The following TNR variants were observed in gnomAD, a reference collection of about 807,000 sequenced individuals.
TNR encodes the protein tenascin-R.
In TNR, 45 loss-of-function variants were observed where a neutral mutation model predicts 150.4. That is an observed-to-expected ratio of 0.30 (90% confidence interval 0.24 to 0.38). TNR has a LOEUF of 0.38. Ranked by LOEUF, TNR falls within the 10% of genes least tolerant of loss-of-function variation. The pLI, the probability that TNR is intolerant of heterozygous loss-of-function variation, is 1.00. For missense variants in TNR, 1,544 were observed against 1,759.1 expected, an observed-to-expected ratio of 0.88 and a Z score of 2.19; for synonymous variants, 687 against 678.4, an observed-to-expected ratio of 1.01 and a Z score of -0.20.
Position 175,522,879 on chromosome 1 carries a change from G to A in TNR, c.-64+5390C>T, listed in dbSNP as rs1446104670. Among the ~76,000 whole-genome samples the A allele has an allele frequency of 3.3e-5, 5 of 152,250 alleles. No individual in the cohort carries two copies. The South Asian group carries it at 1.0e-3, about 32-fold the overall frequency. On this transcript the variant is annotated intron_variant, in intron 2 of 22. Coordinates refer to ENST00000367674, the MANE Select transcript of TNR (RefSeq NM_003285.3). ...CCAGACAATTTAAATTTGTCTTTAT[G>A]GCATACCAATGGATAATTTTATAAA... is the stretch of plus-strand genomic sequence containing the variant.
rs975444687 is a variant in TNR at position 175,632,508 on chromosome 1, A to C, written c.-164-104139T>G. ...GTAGACAAGGCTAAACAACAAAACTATCTGAGATTTGAAAATGCTGGTAAC... is the reference window on the plus strand; with the variant it reads ...GTAGACAAGGCTAAACAACAAAACTCTCTGAGATTTGAAAATGCTGGTAAC... On this transcript the variant is annotated intron_variant, in intron 1 of 22. Transcript: ENST00000367674. Among the ~76,000 whole-genome samples, 12 of 152,348 alleles carry C rather than the reference A, an allele frequency of 7.9e-5. No individual in the cohort carries two copies. In the East Asian group the frequency reaches 2.1e-3, roughly 27 times the overall value.
chr1:175,418,887 T>A (rs536702520), intron 2 of TNR, among the ~76,000 whole-genome samples: 1 of 152,242 alleles, frequency 6.6e-6, no homozygotes, highest in South Asian at 2.1e-4. Context: ...GAAATTTGCT[T>A]TGTATCTGTG....
chr1:175,431,911 ATCTCTC>A (rs545138749), intron 2 of TNR, among the ~76,000 whole-genome samples: 1 of 136,374 alleles, frequency 7.3e-6, no homozygotes, highest in Non-Finnish European at 1.5e-5. Flanking sequence ...GGACCATAAT[ATCTCTC>A]TCTCTCTCTC....
chr1:175,692,678 C>A (rs1180380285), intron 1 of TNR, among the ~76,000 whole-genome samples: 1 of 152,088 alleles, frequency 6.6e-6, no homozygotes, highest in Non-Finnish European at 1.5e-5. Context: ...AATGGGTCCA[C>A]TAACAGGGGA....
chr1:175,365,787 C>T, intron 11 of TNR, 88 bp downstream of exon 11: 1 of 1,524,804 alleles, frequency 6.6e-7, no homozygotes, highest in Non-Finnish European at 8.8e-7. Context: ...GGAAATGGAA[C>T]ATTGGAAGAG....
intron 7 of TNR, among the ~76,000 whole-genome samples, chr1:175,389,566 A>G (rs1653080363): frequency 6.6e-6 from 1 of 152,224 alleles, no homozygotes; most frequent in African/African-American, 2.4e-5. Context: ...ATGGCTGTCC[A>G]TTATTCCTCA....
intron 1 of TNR, among the ~76,000 whole-genome samples, chr1:175,731,525 C>G (rs1010819561): frequency 1.3e-5 from 2 of 152,062 alleles, no homozygotes; most frequent in African/African-American, 4.8e-5. Flanking sequence ...TGCCCGGAGT[C>G]CTATATATGT....
chr1:175,725,813 TTCAGGAGC>T (rs1667461483), intron 1 of TNR, among the ~76,000 whole-genome samples: 1 of 152,182 alleles, frequency 6.6e-6, no homozygotes, highest in African/African-American at 2.4e-5. Context: ...CAATGAATGT[TTCAGGAGC>T]TCAGAGGCCT....
intron 2 of TNR, among the ~76,000 whole-genome samples, chr1:175,515,684 G>A (rs1659376584): frequency 6.6e-6 from 1 of 152,202 alleles, no homozygotes. Context: ...TGGTTAGTGA[G>A]TGTTAGGCAG....
At chr1:175,532,498 C>T (rs559803097) in intron 1 of TNR, among the ~76,000 whole-genome samples, 16 of 152,264 alleles carry the variant, frequency 1.1e-4, no homozygotes, top group Non-Finnish European at 2.1e-4. Context: ...TTCTCTGACC[C>T]ACTGGTATTG....
At chr1:175,575,277 C>T (rs185220983) in intron 1 of TNR, among the ~76,000 whole-genome samples, 1 of 152,288 alleles carries the variant, frequency 6.6e-6, no homozygotes, top group East Asian at 1.9e-4. Context: ...GTGGTGTGAA[C>T]AAGAAATAAA....
At chr1:175,537,479 T>A (rs1660337996) in intron 1 of TNR, among the ~76,000 whole-genome samples, 1 of 152,186 alleles carries the variant, frequency 6.6e-6, no homozygotes, top group South Asian at 2.1e-4. Flanking sequence ...ATGGTGGCTC[T>A]CAGGCCATCC....
intron 1 of TNR, among the ~76,000 whole-genome samples, chr1:175,703,699 T>C (rs1356938913): frequency 6.6e-6 from 1 of 152,074 alleles, no homozygotes; most frequent in East Asian, 1.9e-4. Flanking sequence ...AAAGAAAGTA[T>C]AGATGACCAA....
At chr1:175,392,313 T>G (rs956060077) in intron 6 of TNR, among the ~76,000 whole-genome samples, 10 of 152,212 alleles carry the variant, frequency 6.6e-5, no homozygotes, top group African/African-American at 1.9e-4. Context: ...CCTCTATTTA[T>G]GGTACCCAGG....
chr1:175,696,833 C>T (rs887242238), intron 1 of TNR, among the ~76,000 whole-genome samples: 3 of 146,704 alleles, frequency 2.0e-5, no homozygotes, highest in African/African-American at 7.6e-5. Context: ...GGGCCGAGAT[C>T]GTGCCATTGC....
intron 9 of TNR, among the ~76,000 whole-genome samples, chr1:175,370,472 G>A (rs1184565398): frequency 6.7e-6 from 1 of 149,806 alleles, no homozygotes; most frequent in African/African-American, 2.5e-5. Flanking sequence ...GGCTTAGCCT[G>A]TTGGCTCTGT....
intron 1 of TNR, among the ~76,000 whole-genome samples, chr1:175,678,024 T>C (rs1665915862): frequency 6.6e-6 from 1 of 151,928 alleles, no homozygotes. Context: ...TAGACAATCA[T>C]AAAGAAAAAG....
At position 175,387,135 on chromosome 1, in the gene TNR, G is replaced by T. The variant is rs189313503; in HGVS notation, c.1508-834C>A. Among the ~76,000 whole-genome samples, 220 of 152,300 alleles carry T rather than the reference G, an allele frequency of 1.4e-3. 1 individual carries two copies. The highest frequency in any genetic ancestry group is 2.4e-3 in the Non-Finnish European group (166 of 68,038). ...AGCTGTGGCTCCAGCACCCACTTGA[G>T]GTTCTGTTCATACTGAATTAGATAA... On this transcript the variant is annotated intron_variant, in intron 7 of 22. Transcript: ENST00000367674.
At chr1:175,735,126 C>T (rs1412727178) in intron 1 of TNR, among the ~76,000 whole-genome samples, 4 of 152,180 alleles carry the variant, frequency 2.6e-5, no homozygotes, top group Non-Finnish European at 5.9e-5. Flanking sequence ...TGGCCTCTGC[C>T]CTTTTCAACA....
Sources: gnomAD v4.1 joint callset for allele counts (sites outside exome capture counted in the v4.1 genomes callset) on GRCh38, gnomAD v4.1.1 for gene constraint, MANE v1.5 for transcripts, NCBI Gene and HGNC (gene_info 2026-07-23, HGNC 2026-07-21) for gene names.